The following LY96 variants were observed in gnomAD, a reference collection of about 807,000 sequenced individuals.
LY96 encodes the protein lymphocyte antigen 96.
Under a neutral mutation model 18.9 loss-of-function variants are expected in LY96, and 18 were observed. The ratio of observed to expected loss-of-function variants is 0.95; its 90% CI spans 0.66 to 1.41. The LOEUF (loss-of-function observed/expected upper bound fraction) is 1.41, where lower values mean the gene tolerates loss of function less well. LY96 is among the 40% of genes most tolerant of loss of function. The pLI is 0.00. For missense variants in LY96, 175 were observed against 182.4 expected (o/e 0.96, Z 0.23); for synonymous variants, 66 against 62.6 (o/e 1.06, Z -0.26).
At chr8:74,092,526 T>C in the LY96 span, among the ~76,000 whole-genome samples, 1 of 152,206 alleles carries the variant, frequency 6.6e-6, no homozygotes, top group African/African-American at 2.4e-5. Flanking sequence ...ATTTCTCTCC[T>C]GAATTCATCT....
the LY96 span, among the ~76,000 whole-genome samples, chr8:74,092,398 C>T: frequency 6.6e-6 from 1 of 152,018 alleles, no homozygotes; most frequent in Non-Finnish European, 1.5e-5. Context: ...GTCAGTCATC[C>T]AAGAACATTG....
chr8:74,012,082 T>C (rs10107496), intron 3 of LY96, among the ~76,000 whole-genome samples: 10,298 of 152,196 alleles, frequency 0.068, 1,145 homozygotes, highest in African/African-American at 0.23. Context: ...AACTCATCCA[T>C]TTTTGGTGGG....
At chr8:74,032,268 G>A (rs1244048352), downstream of LY96, among the ~76,000 whole-genome samples, 1 of 152,210 alleles carries the variant, frequency 6.6e-6, no homozygotes, top group Non-Finnish European at 1.5e-5. Flanking sequence ...CTACAATTAA[G>A]GGAGGAGACC....
intron 3 of LY96, among the ~76,000 whole-genome samples, chr8:74,011,400 A>G (rs1428058938): frequency 6.6e-6 from 1 of 152,238 alleles, no homozygotes; most frequent in Non-Finnish European, 1.5e-5. Context: ...AATTACATCA[A>G]AAAGCTTCTG....
At chr8:74,063,167 C>A in the LY96 span, among the ~76,000 whole-genome samples, 2 of 152,176 alleles carry the variant, frequency 1.3e-5, no homozygotes, top group African/African-American at 4.8e-5. Flanking sequence ...GTAACATGGA[C>A]CAACCCATAG....
the LY96 span, among the ~76,000 whole-genome samples, chr8:74,073,760 T>G: frequency 6.6e-6 from 1 of 151,232 alleles, no homozygotes; most frequent in African/African-American, 2.4e-5. Context: ...GCCTCCTGGG[T>G]TCAAGCAATT....
chr8:74,072,075 C>T, the LY96 span, among the ~76,000 whole-genome samples: 1 of 152,050 alleles, frequency 6.6e-6, no homozygotes, highest in Non-Finnish European at 1.5e-5. Flanking sequence ...TGTGGATGTT[C>T]AATTTTGCAA....
At chr8:74,070,338 G>T in the LY96 span, among the ~76,000 whole-genome samples, 6 of 152,204 alleles carry the variant, frequency 3.9e-5, no homozygotes, top group African/African-American at 1.4e-4. Flanking sequence ...TGATCCGCCC[G>T]CCTCGGCCTC....
the LY96 span, among the ~76,000 whole-genome samples, chr8:74,059,632 C>T: frequency 6.6e-6 from 1 of 152,154 alleles, no homozygotes; most frequent in Non-Finnish European, 1.5e-5. Context: ...GTCTAATTCA[C>T]ATTTTTGAGT....
Position 73,996,360 on chromosome 8 carries a change from C to CATTT in LY96, c.112+4806_112+4807insATTT, listed in dbSNP as rs1563707672. Among the ~76,000 whole-genome samples the CATTT allele has an allele frequency of 1.1e-3, 129 of 116,832 alleles. 2 individuals are homozygous for CATTT. Among genetic ancestry groups the CATTT allele is most frequent in the Non-Finnish European group, 2.0e-3 (105 of 53,802 alleles). The allele number at this position is 116,832 out of a possible 152,430, so 76.6% of individuals were successfully genotyped here. On this transcript the variant is annotated intron_variant, in intron 1 of 4. Transcript: ENST00000284818. ...TCCTTCCTTCCTTCCTTCCTTCCTTCCTTCCTTCATTCCTTTCTTTCTTTC... is the reference window on the plus strand; with the variant it reads ...TCCTTCCTTCCTTCCTTCCTTCCTTCATTTCTTCCTTCATTCCTTTCTTTCTTTC...
At chr8:74,097,694 A>AGACTCT in the LY96 span, among the ~76,000 whole-genome samples, 10 of 152,120 alleles carry the variant, frequency 6.6e-5, no homozygotes, top group African/African-American at 2.2e-4. Context: ...CCACAGAGCA[A>AGACTCT]GACTCTGTCT....
chr8:73,999,637 C>A (rs1816222921), intron 1 of LY96, among the ~76,000 whole-genome samples: 1 of 152,136 alleles, frequency 6.6e-6, no homozygotes, highest in South Asian at 2.1e-4. Context: ...TTGCAGAATT[C>A]ATTTATTAGT....
chr8:74,033,628 C>G (rs181008562), downstream of LY96, among the ~76,000 whole-genome samples: 1 of 152,328 alleles, frequency 6.6e-6, no homozygotes, highest in Non-Finnish European at 1.5e-5. Context: ...CTAACCAGAG[C>G]TGTTTCACTT....
chr8:74,070,080 C>G, the LY96 span, among the ~76,000 whole-genome samples: 24 of 151,764 alleles, frequency 1.6e-4, no homozygotes, highest in African/African-American at 5.3e-4. Flanking sequence ...TAAATCTTTC[C>G]CTTTGCCAAT....
chr8:74,059,988 A>C, the LY96 span, among the ~76,000 whole-genome samples: 1 of 152,050 alleles, frequency 6.6e-6, no homozygotes, highest in South Asian at 2.1e-4. Flanking sequence ...AAAATACAAA[A>C]ATTAGCTGTG....
chr8:74,094,384 T>C, the LY96 span, among the ~76,000 whole-genome samples: 1 of 152,196 alleles, frequency 6.6e-6, no homozygotes, highest in African/African-American at 2.4e-5. Flanking sequence ...GCATCCTGTC[T>C]TTCTGTGCTA....
chr8:74,036,882 C>T, the LY96 span, among the ~76,000 whole-genome samples: 1 of 152,146 alleles, frequency 6.6e-6, no homozygotes, highest in Non-Finnish European at 1.5e-5. Flanking sequence ...TGTTTCATTC[C>T]TTATGGGGAG....
the LY96 span, among the ~76,000 whole-genome samples, chr8:74,069,777 A>G: frequency 1.3e-5 from 2 of 151,646 alleles, no homozygotes; most frequent in Middle Eastern, 3.4e-3. Flanking sequence ...TAATTTTTGT[A>G]TTTTTGTAGA....
the LY96 span, among the ~76,000 whole-genome samples, chr8:74,075,823 T>C: frequency 1.3e-5 from 2 of 152,238 alleles, no homozygotes; most frequent in Non-Finnish European, 2.9e-5. Flanking sequence ...CTTCAACAAG[T>C]AAAGGGTATG....
Sources: gnomAD v4.1 joint callset for allele counts (sites outside exome capture counted in the v4.1 genomes callset) on GRCh38, gnomAD v4.1.1 for gene constraint, MANE v1.5 for transcripts, NCBI Gene and HGNC (gene_info 2026-07-23, HGNC 2026-07-21) for gene names.